NELL1: variants seen among roughly 807,000 people sequenced by gnomAD.
NELL1 encodes neural EGFL like 1.
NELL1 carries 76 observed loss-of-function variants against 107.4 expected under a neutral mutation model. The observed-to-expected ratio is 0.71, with a 90% CI of 0.59 to 0.86. The LOEUF is 0.86. Among genes scored for constraint, NELL1 ranks in the 40% least tolerant of loss-of-function variants. The pLI, the probability that NELL1 is intolerant of heterozygous loss-of-function variation, is 0.00. For synonymous variants in NELL1, 353 were observed against 341.2 expected (o/e 1.03, Z -0.38); for missense variants, 1,024 against 1,005.5 (o/e 1.02, Z -0.25).
At chr11:21,352,701 C>T (rs1040257138) in intron 14 of NELL1, among the ~76,000 whole-genome samples, 1 of 152,132 alleles carries the variant, frequency 6.6e-6, no homozygotes, top group African/African-American at 2.4e-5. Context: ...ATGTTCTTAT[C>T]CCCCATAGGC....
intron 2 of NELL1, among the ~76,000 whole-genome samples, chr11:20,691,713 A>G (rs1854471259): frequency 1.3e-5 from 2 of 151,672 alleles, no homozygotes; most frequent in Non-Finnish European, 1.5e-5. Context: ...TTTTTGCATC[A>G]ATGTCCATCA....
At chr11:21,315,309 A>T (rs1461759416) in intron 14 of NELL1, among the ~76,000 whole-genome samples, 1 of 152,174 alleles carries the variant, frequency 6.6e-6, no homozygotes, top group Non-Finnish European at 1.5e-5. Flanking sequence ...GTGAACTGAG[A>T]TTGGAACCAG....
At chr11:20,777,576 T>A (rs1311208398) in intron 2 of NELL1, among the ~76,000 whole-genome samples, 2 of 152,208 alleles carry the variant, frequency 1.3e-5, no homozygotes, top group Non-Finnish European at 2.9e-5. Flanking sequence ...TCACTGATGG[T>A]TGGCAGTTCT....
chr11:20,697,983 C>A (rs767488837), intron 2 of NELL1, among the ~76,000 whole-genome samples: 6 of 152,180 alleles, frequency 3.9e-5, no homozygotes, highest in Non-Finnish European at 8.8e-5. Context: ...TCCAGATTTC[C>A]TGCCACCCAC....
chr11:20,863,198 T>A (rs1181317400), intron 4 of NELL1, among the ~76,000 whole-genome samples: 2 of 135,644 alleles, frequency 1.5e-5, no homozygotes, highest in Non-Finnish European at 3.0e-5. Context: ...GCCCCTCACC[T>A]CCCGGACGGG....
chr11:21,052,871 T>TA lies in NELL1; in HGVS notation c.1301-60714dup, dbSNP rs568564390. The stretch of plus-strand genomic sequence containing the variant: ...GAGTCGAGGGAGTGGGAGGTGGAGA[T>TA]AAAAGATGAAGTTGGAATGGTAGGC... On this transcript the variant is annotated intron_variant, in intron 12 of 19. Transcript: ENST00000357134. Among the ~76,000 whole-genome samples, 7 of 151,832 alleles carry TA rather than the reference T, an allele frequency of 4.6e-5. No individual in the cohort carries two copies. The East Asian group carries it at 1.4e-3, about 30-fold the overall frequency.
chr11:21,301,107 G>T (rs1849482636), intron 14 of NELL1, among the ~76,000 whole-genome samples: 1 of 152,110 alleles, frequency 6.6e-6, no homozygotes, highest in African/African-American at 2.4e-5. Context: ...TTATTCCATG[G>T]TGTATATGTG....
chr11:20,779,728 A>G (rs927558571), intron 2 of NELL1, among the ~76,000 whole-genome samples: 5 of 152,226 alleles, frequency 3.3e-5, no homozygotes, highest in East Asian at 1.9e-4. Context: ...AATAGATGGA[A>G]TTTGCTCTCA....
chr11:21,237,013 TTACTGATATATTG>T (rs2133893287), intron 14 of NELL1, among the ~76,000 whole-genome samples: 1 of 152,280 alleles, frequency 6.6e-6, no homozygotes, highest in Admixed American at 6.5e-5. Flanking sequence ...AGGCTGATCT[TTACTGATATATTG>T]GCCAAATATT....
chr11:21,047,927 G>T (rs909312811), intron 12 of NELL1, among the ~76,000 whole-genome samples: 1 of 152,146 alleles, frequency 6.6e-6, no homozygotes, highest in African/African-American at 2.4e-5. Context: ...GGTAACCAGC[G>T]CATCACGTAG....
intron 3 of NELL1, among the ~76,000 whole-genome samples, chr11:20,799,110 G>A (rs1173627565): frequency 6.6e-6 from 1 of 152,228 alleles, no homozygotes; most frequent in Non-Finnish European, 1.5e-5. Flanking sequence ...CTAAAAAAGA[G>A]GCAGCTATGA....
rs56048576 is a variant in NELL1, at chr11:20,992,709, A to ATTTTTTTTTT, written c.1300+32162_1300+32171dup. ...TGCTACTTCCCTAGGCAAAAGTGGC[A>ATTTTTTTTTT]TTTTTTTTTTTTTTTTTTTTTTGAA... On this transcript the variant is annotated intron_variant, in intron 12 of 19. Transcript: ENST00000357134. Among the ~76,000 whole-genome samples, 3 of 114,476 alleles carry ATTTTTTTTTT rather than the reference A, an allele frequency of 2.6e-5. 1 individual carries two copies. The highest frequency in any genetic ancestry group is 5.3e-5 in the Non-Finnish European group (3 of 56,734). The allele number at this position is 114,476 out of a possible 152,430, so 75.1% of individuals were successfully genotyped here. A position where few individuals can be genotyped will look rare whatever the true frequency, so the allele number is the denominator to read the frequency against.
chr11:21,453,292 T>C (rs1241188971), intron 15 of NELL1, among the ~76,000 whole-genome samples: 4 of 152,122 alleles, frequency 2.6e-5, no homozygotes, highest in African/African-American at 9.7e-5. Flanking sequence ...TGAATCTTTG[T>C]TATGTACATG....
At position 21,330,660 on chromosome 11, in the gene NELL1, T is replaced by C. The variant is rs1178117855; in HGVS notation, c.1550-40193T>C. 3.3e-5 allele frequency among the ~76,000 whole-genome samples: 5 copies of C among 152,252 alleles called. No individual in the cohort carries two copies. In the East Asian group the frequency reaches 9.6e-4, roughly 29 times the overall value. On this transcript the variant is annotated intron_variant, in intron 14 of 19. Coordinates refer to ENST00000357134, the MANE Select transcript of NELL1 (RefSeq NM_006157.5). ...TTTGCTGTTTTCCTGATTTTCTCTT[T>C]GTATTTTACTTTCAACATTTTTACT...
chr11:21,298,067 A>C (rs914055068), intron 14 of NELL1, among the ~76,000 whole-genome samples: 1 of 152,008 alleles, frequency 6.6e-6, no homozygotes, highest in Non-Finnish European at 1.5e-5. Context: ...TACCCCAAAA[A>C]GTCTGCCCTG....
intron 12 of NELL1, among the ~76,000 whole-genome samples, chr11:21,066,933 G>A (rs1296367548): frequency 6.6e-6 from 1 of 151,670 alleles, no homozygotes; most frequent in African/African-American, 2.4e-5. Context: ...CAGCCTGAGC[G>A]ACAGAGCGAG....
chr11:21,023,532 AT>A (rs1239847609), intron 12 of NELL1, among the ~76,000 whole-genome samples: 2 of 151,950 alleles, frequency 1.3e-5, no homozygotes, highest in Admixed American at 6.6e-5. Flanking sequence ...TAATGTGCAT[AT>A]TTATTATTTT....
intron 12 of NELL1, among the ~76,000 whole-genome samples, chr11:21,018,428 C>T (rs772555384): frequency 1.7e-4 from 26 of 151,956 alleles, no homozygotes; most frequent in Non-Finnish European, 3.8e-4. Context: ...CCAGTGGGCA[C>T]GAAGAGTGAT....
chr11:21,053,244 A>G (rs1853538921), intron 12 of NELL1, among the ~76,000 whole-genome samples: 2 of 151,940 alleles, frequency 1.3e-5, no homozygotes, highest in African/African-American at 4.8e-5. Context: ...TACATTAGGT[A>G]TTTCTCCTAA....
Sources: gnomAD v4.1 joint callset for allele counts (sites outside exome capture counted in the v4.1 genomes callset) on GRCh38, gnomAD v4.1.1 for gene constraint, MANE v1.5 for transcripts, NCBI Gene and HGNC (gene_info 2026-07-23, HGNC 2026-07-21) for gene names.